PIK3AP1: variants seen among roughly 807,000 people sequenced by gnomAD.
PIK3AP1 encodes phosphoinositide-3-kinase adaptor protein 1, also known as phosphoinositide 3-kinase adapter protein 1.
Under a neutral mutation model 88.1 loss-of-function variants are expected in PIK3AP1, and 21 were observed. The observed-to-expected ratio is 0.24, with a 90% CI of 0.17 to 0.34. The LOEUF (loss-of-function observed/expected upper bound fraction) is 0.34. Among genes scored for constraint, PIK3AP1 ranks in the 10% least tolerant of loss-of-function variants. The pLI is 1.00. For synonymous variants in PIK3AP1, 398 were observed against 400.0 expected, an observed-to-expected ratio of 1.00 and a Z score of 0.06; for missense variants, 828 against 1,035.7, an observed-to-expected ratio of 0.80 and a Z score of 2.75.
intron 8 of PIK3AP1, among the ~76,000 whole-genome samples, chr10:96,638,125 C>G (rs1843336942): frequency 6.6e-6 from 1 of 152,076 alleles, no homozygotes; most frequent in Non-Finnish European, 1.5e-5. Flanking sequence ...GAGCAGAGTG[C>G]CATGATTTGA....
intron 8 of PIK3AP1, among the ~76,000 whole-genome samples, chr10:96,641,120 TGTGTGC>T (rs1282549807): frequency 3.6e-5 from 4 of 111,384 alleles, no homozygotes; most frequent in East Asian, 2.8e-4. Context: ...TGTGTGTGTG[TGTGTGC>T]GTGTGCATGT....
chr10:96,677,217 G>C (rs625859), intron 2 of PIK3AP1, among the ~76,000 whole-genome samples: 7,416 of 152,208 alleles, frequency 0.049, 221 homozygotes, highest in Middle Eastern at 0.088. Context: ...ACACATAAAA[G>C]TATTGGCAAA....
At chr10:96,719,775 G>A (rs1263361909) in intron 1 of PIK3AP1, among the ~76,000 whole-genome samples, 1 of 152,116 alleles carries the variant, frequency 6.6e-6, no homozygotes, top group Non-Finnish European at 1.5e-5. Context: ...CCCAGTGACC[G>A]CCAACTCTCC....
At chr10:96,677,689 A>G (rs1843943965) in intron 2 of PIK3AP1, among the ~76,000 whole-genome samples, 1 of 152,088 alleles carries the variant, frequency 6.6e-6, no homozygotes, top group Non-Finnish European at 1.5e-5. Context: ...CACGTGCAAT[A>G]CAAGATATGA....
At chr10:96,632,892 T>C in intron 8 of PIK3AP1, 1 of 1,612,066 alleles carries the variant, frequency 6.2e-7, no homozygotes, top group Non-Finnish European at 8.5e-7. Flanking sequence ...ACTCACAAGA[T>C]GACCCTGGGA....
intron 16 of PIK3AP1, among the ~76,000 whole-genome samples, chr10:96,596,074 G>A (rs1848748428): frequency 6.6e-6 from 1 of 152,136 alleles, no homozygotes; most frequent in Admixed American, 6.6e-5. Context: ...GCCTTCCAGT[G>A]CTAAATATAC....
intron 2 of PIK3AP1, among the ~76,000 whole-genome samples, chr10:96,706,784 C>CA (rs900516165): frequency 4.6e-5 from 7 of 151,768 alleles, no homozygotes; most frequent in Non-Finnish European, 7.4e-5. Context: ...GCTTGTCCAG[C>CA]AAAAAAAATC....
chr10:96,633,035 A>G (rs1370200733), intron 8 of PIK3AP1: 1 of 1,610,038 alleles, frequency 6.2e-7, no homozygotes. Context: ...GATCCATAGC[A>G]GGCCACGCTG....
intron 2 of PIK3AP1, among the ~76,000 whole-genome samples, chr10:96,688,182 A>C (rs1182066612): frequency 6.6e-6 from 1 of 152,148 alleles, no homozygotes; most frequent in African/African-American, 2.4e-5. Context: ...CAGGCACTTC[A>C]GGGCCTTTTG....
intron 7 of PIK3AP1, among the ~76,000 whole-genome samples, chr10:96,645,992 G>C (rs1484594905): frequency 6.6e-6 from 1 of 152,216 alleles, no homozygotes; most frequent in Non-Finnish European, 1.5e-5. Flanking sequence ...TGATGTGGTG[G>C]CTCACACCTG....
chr10:96,644,067 C>T (rs1012581544), intron 8 of PIK3AP1, among the ~76,000 whole-genome samples: 6 of 152,132 alleles, frequency 3.9e-5, no homozygotes, highest in South Asian at 2.1e-4. Context: ...CCAGTACGTG[C>T]GTGGAGATCA....
chr10:96,685,676 A>G (rs938749608), intron 2 of PIK3AP1, among the ~76,000 whole-genome samples: 2 of 152,238 alleles, frequency 1.3e-5, no homozygotes, highest in African/African-American at 4.8e-5. Context: ...GAGTTCTGCA[A>G]AACTGAATCT....
chr10:96,644,190 G>C (rs1843428679), intron 8 of PIK3AP1, among the ~76,000 whole-genome samples: 1 of 152,194 alleles, frequency 6.6e-6, no homozygotes. Flanking sequence ...TGGCATTTAG[G>C]AAAAGGGGGA....
intron 13 of PIK3AP1, among the ~76,000 whole-genome samples, chr10:96,612,980 ATATTTTTTTTTTTTTTTTTTTT>A (rs1849149946): frequency 8.1e-5 from 3 of 36,952 alleles, no homozygotes; most frequent in East Asian, 7.5e-4. Flanking sequence ...ATATATATAT[ATATTTTTTTTTTTTTTTTTTTT>A]TTTTTTTTTT....
chr10:96,601,473 CAAAAAA>C (rs11407501), intron 16 of PIK3AP1, among the ~76,000 whole-genome samples: 6 of 75,480 alleles, frequency 7.9e-5, no homozygotes, highest in Non-Finnish European at 1.0e-4. Context: ...GAATCTATCT[CAAAAAA>C]AAAAAAAAAA....
At chr10:96,687,242 C>A (rs990631214) in intron 2 of PIK3AP1, among the ~76,000 whole-genome samples, 12 of 107,420 alleles carry the variant, frequency 1.1e-4, no homozygotes, top group African/African-American at 4.5e-4. Flanking sequence ...GGCAAAAGAG[C>A]GATACTCCAT....
chr10:96,660,910 C>A (rs1843677248), intron 2 of PIK3AP1, among the ~76,000 whole-genome samples: 1 of 151,902 alleles, frequency 6.6e-6, no homozygotes, highest in South Asian at 2.1e-4. Context: ...CTGAGTCAGG[C>A]ATGGTGGCTC....
At chr10:96,671,191 A>G (rs1284692451) in intron 2 of PIK3AP1, among the ~76,000 whole-genome samples, 1 of 152,212 alleles carries the variant, frequency 6.6e-6, no homozygotes, top group Non-Finnish European at 1.5e-5. Context: ...CCAGATTCCC[A>G]GTGTGTGGAC....
chr10:96,628,909 T>TATAC (rs1564961342), intron 8 of PIK3AP1, among the ~76,000 whole-genome samples: 238 of 10,602 alleles, frequency 0.022, 6 homozygotes, highest in Non-Finnish European at 0.047. Context: ...TATATATATG[T>TATAC]GTATATATAT....
Sources: allele counts gnomAD v4.1 joint callset (sites outside exome capture counted in the v4.1 genomes callset), GRCh38; gene constraint gnomAD v4.1.1; transcripts MANE v1.5; gene names NCBI Gene and HGNC (gene_info 2026-07-23, HGNC 2026-07-21).